The following AGBL1 variants were observed in gnomAD, a reference collection of about 807,000 sequenced individuals.
AGBL1 encodes the protein AGBL carboxypeptidase 1, also known as cytosolic carboxypeptidase 4.
Under a neutral mutation model 118.9 loss-of-function variants are expected in AGBL1, and 130 were observed. The ratio of observed to expected loss-of-function variants is 1.09; its 90% CI spans 0.95 to 1.26. The LOEUF is 1.26. AGBL1 is among the 50% of genes most tolerant of loss of function. The pLI is 0.00. For synonymous variants in AGBL1, 555 were observed against 478.9 expected (o/e 1.16, Z -2.08); for missense variants, 1,584 against 1,298.1 (o/e 1.22, Z -3.38).
In AGBL1 at chr15:86,762,975, A is replaced by G. The variant is rs369058649; in HGVS notation, c.3158+88539A>G. On this transcript the variant is annotated intron_variant, in intron 22 of 22. Transcript: ENST00000614907. ...GGGAAAACACCATAGCACTGTGCTA[A>G]AATAGAGTCCAATGTCTATCACACA... Among the ~76,000 whole-genome samples the G allele has an allele frequency of 2.6e-4, 39 of 152,112 alleles. No homozygotes were observed. In the South Asian group the frequency reaches 7.5e-3, roughly 29 times the overall value.
intron 1 of AGBL1, among the ~76,000 whole-genome samples, chr15:86,121,545 A>G (rs544224675): frequency 6.6e-5 from 10 of 152,342 alleles, no homozygotes; most frequent in African/African-American, 2.2e-4. Flanking sequence ...AACCAAAAAG[A>G]TTAGAAACTT....
intron 23 of AGBL1, among the ~76,000 whole-genome samples, chr15:86,933,969 T>C (rs200219303): frequency 3.3e-5 from 5 of 152,228 alleles, no homozygotes; most frequent in Non-Finnish European, 5.9e-5. Context: ...CGTCTAAAAA[T>C]TGAACAAGTT....
rs112624452 is a variant in AGBL1 at position 86,939,241 on chromosome 15, A to G, written c.3222-48746A>G. On this transcript the variant is annotated intron_variant, in intron 23 of 24. Transcript: ENST00000441037. ...AGACCCACTCTCAATCTGGATGGGC[A>G]CCGTCTAATCAGCTGCCAGCTCAGC... Among the ~76,000 whole-genome samples, 1,463 of 152,322 alleles carry G rather than the reference A, an allele frequency of 9.6e-3. 22 individuals carry two copies. Among genetic ancestry groups the G allele is most frequent in the African/African-American group, 0.034 (1,406 of 41,572 alleles).
chr15:86,810,006 A>C (rs545672308), intron 22 of AGBL1, among the ~76,000 whole-genome samples: 4 of 152,302 alleles, frequency 2.6e-5, no homozygotes, highest in Admixed American at 1.3e-4. Context: ...TTTTTAAAAA[A>C]ATCTCATTAA....
At position 86,340,172 on chromosome 15, in the gene AGBL1, T is replaced by C. The variant is rs369485197; in HGVS notation, c.2374+44764T>C. On this transcript the variant is annotated intron_variant, in intron 17 of 22. Transcript: ENST00000614907. Reference sequence around the variant, plus strand: ...ATTTTCCTGTTTTTTATTTTTATTTTTGTGTGATGAGTGATTTTTTGACGG... The same window carrying C: ...ATTTTCCTGTTTTTTATTTTTATTTCTGTGTGATGAGTGATTTTTTGACGG... Among the ~76,000 whole-genome samples, 6 of 152,230 alleles carry C rather than the reference T, an allele frequency of 3.9e-5. No homozygotes were observed. The East Asian group carries it at 5.8e-4, about 15-fold the overall frequency.
intron 17 of AGBL1, among the ~76,000 whole-genome samples, chr15:86,311,127 T>C (rs2079914662): frequency 6.6e-6 from 1 of 152,202 alleles, no homozygotes; most frequent in African/African-American, 2.4e-5. Flanking sequence ...CTTGCTTATT[T>C]TCCAAGTTGT....
chr15:86,296,228 AAC>A (rs2079637926), intron 17 of AGBL1: 1 of 149,176 alleles, frequency 6.7e-6, no homozygotes. Flanking sequence ...AAAAAAAAAA[AAC>A]AAAAAAACAA....
intron 22 of AGBL1, among the ~76,000 whole-genome samples, chr15:86,795,602 G>A (rs1276840951): frequency 8.0e-6 from 1 of 124,758 alleles, no homozygotes; most frequent in Middle Eastern, 3.8e-3. Flanking sequence ...TTTTTTTTTT[G>A]AGACGGAATT....
intron 17 of AGBL1, among the ~76,000 whole-genome samples, chr15:86,392,690 T>C (rs2081306474): frequency 1.3e-5 from 2 of 152,212 alleles, no homozygotes; most frequent in Admixed American, 1.3e-4. Context: ...CTCTTAGGCA[T>C]TATTCAATCC....
intron 18 of AGBL1, among the ~76,000 whole-genome samples, chr15:86,505,275 T>G (rs2082961957): frequency 6.6e-6 from 1 of 151,874 alleles, no homozygotes; most frequent in East Asian, 1.9e-4. Flanking sequence ...TTTTTGGATG[T>G]GTAGATTAGA....
intron 1 of AGBL1, among the ~76,000 whole-genome samples, chr15:86,093,169 G>T (rs1896143642): frequency 6.6e-6 from 1 of 152,138 alleles, no homozygotes; most frequent in Non-Finnish European, 1.5e-5. Flanking sequence ...CTCTCTAGAA[G>T]TTAAAGTGAA....
At chr15:86,081,930 C>G (rs571226852) in intron 1 of AGBL1, among the ~76,000 whole-genome samples, 1 of 152,190 alleles carries the variant, frequency 6.6e-6, no homozygotes, top group Non-Finnish European at 1.5e-5. Context: ...ATGATCACCC[C>G]GGGGCACTGC....
At chr15:86,679,180 C>T (rs563122152) in intron 22 of AGBL1, among the ~76,000 whole-genome samples, 2 of 151,914 alleles carry the variant, frequency 1.3e-5, no homozygotes, top group Non-Finnish European at 2.9e-5. Context: ...ATTGAGTGCT[C>T]GTCTATGTTA....
chr15:86,892,992 T>A (rs1477910226), intron 22 of AGBL1, among the ~76,000 whole-genome samples: 1 of 152,200 alleles, frequency 6.6e-6, no homozygotes, highest in East Asian at 1.9e-4. Context: ...CACACAGCTC[T>A]GCTCCTGGAG....
intron 21 of AGBL1, among the ~76,000 whole-genome samples, chr15:86,651,601 C>T (rs780655856): frequency 3.9e-5 from 6 of 152,184 alleles, no homozygotes; most frequent in Non-Finnish European, 7.3e-5. Context: ...CCTAGCCTGG[C>T]TCCTGGAGCA....
chr15:86,713,365 G>C (rs2086589976), intron 22 of AGBL1, among the ~76,000 whole-genome samples: 1 of 152,050 alleles, frequency 6.6e-6, no homozygotes, highest in South Asian at 2.1e-4. Flanking sequence ...TTGCAAACAG[G>C]GCCTCCTTAC....
chr15:86,543,780 T>G (rs1567049027), intron 19 of AGBL1, among the ~76,000 whole-genome samples: 2 of 152,196 alleles, frequency 1.3e-5, no homozygotes, highest in Non-Finnish European at 2.9e-5. Context: ...GATGAAAGCA[T>G]TACAGAATTG....
intron 18 of AGBL1, among the ~76,000 whole-genome samples, chr15:86,503,666 T>C (rs2082942583): frequency 6.6e-6 from 1 of 151,502 alleles, no homozygotes; most frequent in Admixed American, 6.6e-5. Flanking sequence ...TTCTAATTTA[T>C]ATTGTAATTT....
At chr15:86,373,885 A>G (rs972557515) in intron 17 of AGBL1, among the ~76,000 whole-genome samples, 1 of 152,228 alleles carries the variant, frequency 6.6e-6, no homozygotes, top group African/African-American at 2.4e-5. Flanking sequence ...GTGAGGTTTA[A>G]GTAAAATTAT....
Sources: gnomAD v4.1 joint callset for allele counts (sites outside exome capture counted in the v4.1 genomes callset) on GRCh38, gnomAD v4.1.1 for gene constraint, MANE v1.5 for transcripts, NCBI Gene and HGNC (gene_info 2026-07-23, HGNC 2026-07-21) for gene names.